Variants in GUCY2F observed in about 807,000 individuals in gnomAD.
The protein encoded by GUCY2F is guanylate cyclase 2F, retinal, also known as retinal guanylyl cyclase 2.
A neutral mutation model predicts 73.1 loss-of-function variants in GUCY2F; 61 were observed. That is an observed-to-expected ratio of 0.83 (90% CI 0.68 to 1.03). The LOEUF (loss-of-function observed/expected upper bound fraction) is 1.03, where lower values mean the gene tolerates loss of function less well. Ranked by LOEUF, GUCY2F falls within the 50% of genes least tolerant of loss-of-function variation. The probability of loss-of-function intolerance (pLI) is 0.00; values close to 1 mark genes in which losing one functional copy is unlikely to be tolerated. For missense variants in GUCY2F, 912 were observed against 854.3 expected, an observed-to-expected ratio of 1.07 and a Z score of -0.84; for synonymous variants, 331 against 307.8, an observed-to-expected ratio of 1.08 and a Z score of -0.79.
At chrX:109,383,381 G>A (rs1930364972) in intron 16 of GUCY2F, 1 of 715,697 alleles carries the variant, frequency 1.4e-6, no homozygotes, top group Non-Finnish European at 1.7e-6. Flanking sequence ...CCACTTGTAT[G>A]GTAGGGAGAA....
In GUCY2F at chrX:109,475,547, G is replaced by A; in HGVS notation, c.390C>T (p.Gly130=). The change falls in exon 2 of 20, where the codon GGC becomes GGT. Residue 130 remains glycine (G), a synonymous_variant. Coordinates refer to ENST00000218006, the MANE Select transcript of GUCY2F (RefSeq NM_001522.3). The part of the protein sequence containing the change: ...ASGFIGPTNP[G]YCEAASLLGN... ...CCAGGAGCGAGGCTGCCTCGCAGTA[G>A]CCAGGGTTGGTAGGTCCAATAAATC... is the stretch of plus-strand genomic sequence containing the variant. 1 of 1,211,072 alleles carries A rather than the reference G, an allele frequency of 8.3e-7. No homozygotes were observed. The highest frequency in any genetic ancestry group is 1.8e-5 in the South Asian group (1 of 56,955).
At chrX:109,479,192 A>G (rs1348523923) in intron 1 of GUCY2F, among the ~76,000 whole-genome samples, 1 of 112,154 alleles carries the variant, frequency 8.9e-6, no homozygotes, top group Non-Finnish European at 1.9e-5. Flanking sequence ...GCTAATCCTA[A>G]TCTTTGAGAA....
chrX:109,402,669 T>C (rs1002266227), intron 10 of GUCY2F, among the ~76,000 whole-genome samples: 1 of 111,747 alleles, frequency 8.9e-6, no homozygotes, highest in Non-Finnish European at 1.9e-5. Context: ...TTTGACAAAA[T>C]ACTAAGTACT....
At chrX:109,430,733 G>A (rs1392135492) in intron 7 of GUCY2F, among the ~76,000 whole-genome samples, 4 of 112,234 alleles carry the variant, frequency 3.6e-5, no homozygotes, top group African/African-American at 9.7e-5. Flanking sequence ...AAATGATGTA[G>A]CACCAGGTTC....
intron 16 of GUCY2F, among the ~76,000 whole-genome samples, chrX:109,383,183 T>G (rs1930358466): frequency 8.9e-6 from 1 of 111,799 alleles, no homozygotes; most frequent in Non-Finnish European, 1.9e-5. Flanking sequence ...TAACTCATGA[T>G]CATCCAAAGC....
Position 109,475,742 on chromosome X carries a change from C to G in GUCY2F, c.195G>C (p.Ser65=). ...IGVVGPWACD[S]LFSKALPEVA... is the part of the protein sequence containing the mutation. Reference sequence around the variant, plus strand: ...CCTCAGGCAGGGCCTTTGAAAACAGCGAATCACAAGCCCAAGGGCCCACCA... The same window carrying G: ...CCTCAGGCAGGGCCTTTGAAAACAGGGAATCACAAGCCCAAGGGCCCACCA... Residue 65 remains serine (S), a synonymous_variant, in exon 2 of 20, where the codon TCG becomes TCC. Coordinates refer to ENST00000218006, the MANE Select transcript of GUCY2F (RefSeq NM_001522.3). 8.3e-7 allele frequency: 1 copy of G among 1,210,601 alleles called. No individual in the cohort carries two copies. Among genetic ancestry groups the G allele is most frequent in the South Asian group, 1.8e-5 (1 of 56,892 alleles).
rs149013874 is a variant in GUCY2F at position 109,393,140 on chromosome X, C to A, written c.2425-85G>T. On this transcript the variant is annotated intron_variant, in intron 12 of 19. Coordinates refer to ENST00000218006, the MANE Select transcript of GUCY2F (RefSeq NM_001522.3). ...GGAGCAGGTCCCCTTATCACAAATC[C>A]ATTCCACCAAAATGCCAGGGCAGGA... 1,665 of 537,790 alleles carry A rather than the reference C, an allele frequency of 3.1e-3. 19 individuals carry two copies. In the East Asian group the frequency reaches 0.045, roughly 14 times the overall value. The allele number at this position is 537,790 out of a possible 1,213,427, so 44.3% of individuals were successfully genotyped here. A position where few individuals can be genotyped will look rare whatever the true frequency, so the allele number is the denominator to read the frequency against.
In GUCY2F at chrX:109,423,774, G is replaced by A. The variant is rs767191107; in HGVS notation, c.1791+6533C>T. On this transcript the variant is annotated intron_variant, in intron 8 of 19. Coordinates refer to ENST00000218006, the MANE Select transcript of GUCY2F (RefSeq NM_001522.3). ...AGTGCTTAGAGGAGATTTTCTAGCC[G>A]TAGGTGACTAAATTAGAAAATAAGA... 1.0e-3 allele frequency among the ~76,000 whole-genome samples: 108 copies of A among 108,279 alleles called. 3 individuals are homozygous for A. In the Admixed American group the frequency reaches 0.011, roughly 11 times the overall value. The allele number at this position is 108,279 out of a possible 115,157, so 94.0% of individuals were successfully genotyped here. A position where few individuals can be genotyped will look rare whatever the true frequency, so the allele number is the denominator to read the frequency against.
intron 12 of GUCY2F, among the ~76,000 whole-genome samples, chrX:109,393,434 A>G (rs1371806106): frequency 1.8e-5 from 2 of 110,882 alleles, no homozygotes; most frequent in Non-Finnish European, 3.8e-5. Context: ...AAGGGGAGAG[A>G]GGGCCCAAAG....
chrX:109,479,967 G>T, intron 1 of GUCY2F, among the ~76,000 whole-genome samples: 1 of 111,895 alleles, frequency 8.9e-6, no homozygotes, highest in Admixed American at 9.5e-5. Context: ...AGAAAACCAA[G>T]TTAGTAAGTT....
intron 8 of GUCY2F, among the ~76,000 whole-genome samples, chrX:109,412,226 A>G (rs1931127809): frequency 8.9e-6 from 1 of 112,095 alleles, no homozygotes; most frequent in South Asian, 3.8e-4. Context: ...TTGGAGCTAT[A>G]AATCACGTGA....
chrX:109,408,848 T>C, intron 9 of GUCY2F, 144 bp downstream of exon 9: 1 of 447,404 alleles, frequency 2.2e-6, no homozygotes. Flanking sequence ...CTCAGGTATG[T>C]CTTTATCAGC....
intron 10 of GUCY2F, among the ~76,000 whole-genome samples, chrX:109,398,918 G>A (rs981586016): frequency 8.9e-6 from 1 of 111,849 alleles, no homozygotes; most frequent in Non-Finnish European, 1.9e-5. Flanking sequence ...GACCACGCAG[G>A]CAGACACAGC....
rs767953439 is a variant in GUCY2F at position 109,475,805 on chromosome X, A to G, written c.132T>C (p.Leu44=). The stretch of plus-strand genomic sequence containing the variant: ...AGGGGAGTGTCCACACCTGCTGCGG[A>G]AGGGACATGACAGACAGAAGGCACA... The part of the protein sequence containing the change: ...WCLCLLSVMS[L]PQQVWTLPYK... The change falls in exon 2 of 20, where the codon CTT becomes CTC. Residue 44 remains leucine, a synonymous_variant. Transcript: ENST00000218006. 23 of 1,209,139 alleles carry G rather than the reference A, an allele frequency of 1.9e-5. No homozygotes were observed. In the South Asian group the frequency reaches 3.9e-4, roughly 20 times the overall value.
At chrX:109,402,909 C>T (rs1242165488) in intron 10 of GUCY2F, among the ~76,000 whole-genome samples, 3 of 111,775 alleles carry the variant, frequency 2.7e-5, no homozygotes, top group African/African-American at 9.8e-5. Flanking sequence ...TCTGTCTATG[C>T]ATGTGTCTCT....
chrX:109,431,942 C>T, intron 7 of GUCY2F, among the ~76,000 whole-genome samples: 1 of 109,312 alleles, frequency 9.1e-6, no homozygotes, highest in East Asian at 2.9e-4. Flanking sequence ...CTGCACTGGC[C>T]AGGCTCAGTG....
intron 16 of GUCY2F, chrX:109,383,409 C>T: frequency 1.4e-6 from 1 of 734,557 alleles, no homozygotes; most frequent in Non-Finnish European, 1.6e-6. Flanking sequence ...AGGACTGGGT[C>T]ACGAGTCACT....
chrX:109,423,298 C>T (rs1931409048), intron 8 of GUCY2F, among the ~76,000 whole-genome samples: 1 of 111,575 alleles, frequency 9.0e-6, no homozygotes, highest in Non-Finnish European at 1.9e-5. Context: ...AGGCTATGGG[C>T]CATAGTTTGC....
At chrX:109,389,796 A>G (rs1265088616) in intron 14 of GUCY2F, among the ~76,000 whole-genome samples, 1 of 111,743 alleles carries the variant, frequency 8.9e-6, no homozygotes, top group Admixed American at 9.5e-5. Context: ...AAATAGGTAC[A>G]TCTTGAAACC....
Sources: gnomAD v4.1 joint callset for allele counts (sites outside exome capture counted in the v4.1 genomes callset) on GRCh38, gnomAD v4.1.1 for gene constraint, MANE v1.5 for transcripts, NCBI Gene and HGNC (gene_info 2026-07-23, HGNC 2026-07-21) for gene names.